Variants in TCTN1 observed in about 807,000 individuals in gnomAD.
The protein encoded by TCTN1 is tectonic family member 1.
A neutral mutation model predicts 65.8 loss-of-function variants in TCTN1; 58 were observed. The observed-to-expected ratio is 0.88, with a 90% confidence interval of 0.71 to 1.10. The LOEUF is 1.10. TCTN1 is among the 50% of genes least tolerant of loss of function. The pLI is 0.00. For synonymous variants in TCTN1, 273 were observed against 289.1 expected, an observed-to-expected ratio of 0.94 and a Z score of 0.57; for missense variants, 645 against 719.4, an observed-to-expected ratio of 0.90 and a Z score of 1.18.
At position 110,640,684 on chromosome 12, in the gene TCTN1, C is replaced by G. The variant is rs1281669953; in HGVS notation, c.978+167C>G. Among the ~76,000 whole-genome samples the G allele has an allele frequency of 1.3e-5, 2 of 152,220 alleles. No homozygotes were observed. Among genetic ancestry groups the G allele is most frequent in the Non-Finnish European group, 1.5e-5 (1 of 68,038 alleles). ...TCTGCTGTCTCATCAAAGGACACCT[C>G]TTGTCTCCACAAACTTAGTGACTTG... is the stretch of plus-strand genomic sequence containing the variant. On this transcript the variant is annotated intron_variant, in intron 8 of 14. Transcript: ENST00000397659. The surrounding 1 kb of genome is among the most constrained non-coding windows in gnomAD (Gnocchi z 4.9).
chr12:110,634,873 C>G, intron 6 of TCTN1, 94 bp downstream of exon 6: 1 of 907,990 alleles, frequency 1.1e-6, no homozygotes, highest in Non-Finnish European at 1.8e-6. Flanking sequence ...AATTTCAGTA[C>G]ATGATTGACA....
intron 3 of TCTN1, among the ~76,000 whole-genome samples, chr12:110,627,390 T>G (rs2065932039): frequency 1.3e-5 from 2 of 152,134 alleles, no homozygotes; most frequent in Admixed American, 1.3e-4. Flanking sequence ...AGCTGCCTTG[T>G]CCAGCCCTCA....
At position 110,628,930 on chromosome 12, in the gene TCTN1, CTTGA is replaced by C; in HGVS notation, c.624+19_624+22del. 6.2e-7 allele frequency: 1 copy of C among 1,613,122 alleles called. No individual in the cohort carries two copies. ...CTGCTAAATATGAGGTGAGCCTGAA[CTTGA>C]TTGATTCTTTTCATCCCATCACAAA... On this transcript the variant is annotated intron_variant, in intron 4 of 14. Transcript: ENST00000397659.
At position 110,641,532 on chromosome 12, in the gene TCTN1, T is replaced by G. The variant is rs779828104; in HGVS notation, c.1105-10T>G. The G allele has an allele frequency of 3.1e-6, 5 of 1,613,034 alleles. No homozygotes were observed. In the African/African-American group the frequency reaches 5.3e-5, roughly 17 times the overall value. On this transcript the variant is annotated splice_polypyrimidine_tract_variant and intron_variant, in intron 9 of 14. Coordinates refer to ENST00000397659, the MANE Select transcript of TCTN1 (RefSeq NM_001082538.3). ...GAATTATTTGGGGGCATTTCTGCAT[T>G]GTCTTTCAGGAAAATACCCAGCCAG...
intron 5 of TCTN1, among the ~76,000 whole-genome samples, chr12:110,633,859 G>A (rs1470451674): frequency 2.0e-5 from 3 of 152,190 alleles, no homozygotes; most frequent in Non-Finnish European, 1.5e-5. Flanking sequence ...GATTAGAAAT[G>A]AATGTGCTCT....
chr12:110,618,248 AT>A (rs1016622623), intron 1 of TCTN1, among the ~76,000 whole-genome samples: 8 of 138,384 alleles, frequency 5.8e-5, no homozygotes, highest in South Asian at 4.7e-4. Context: ...TAATTTTTGA[AT>A]TTTTTTTTTG....
chr12:110,631,547 T>C (rs1449675471), intron 4 of TCTN1, among the ~76,000 whole-genome samples: 2 of 152,002 alleles, frequency 1.3e-5, no homozygotes, highest in Admixed American at 6.5e-5. Context: ...GGCATGAGGA[T>C]CGCTTGAACC....
chr12:110,642,517 C>A (rs1236397577), intron 11 of TCTN1, 128 bp downstream of exon 11: 24 of 1,323,270 alleles, frequency 1.8e-5, no homozygotes, highest in Non-Finnish European at 2.5e-5. Context: ...TATAGTATAT[C>A]ATCATGCATG....
chr12:110,618,005 G>A (rs935965454), intron 1 of TCTN1, among the ~76,000 whole-genome samples: 2 of 151,538 alleles, frequency 1.3e-5, no homozygotes, highest in Non-Finnish European at 2.9e-5. Context: ...AAATAAGAAT[G>A]TTGGGTGGAC....
intron 4 of TCTN1, among the ~76,000 whole-genome samples, chr12:110,631,507 G>T (rs938011936): frequency 6.6e-6 from 1 of 152,006 alleles, no homozygotes; most frequent in Non-Finnish European, 1.5e-5. Context: ...GGTGGTGCGT[G>T]CCTGTAGTTC....
At chr12:110,618,126 G>A (rs1412165974) in intron 1 of TCTN1, among the ~76,000 whole-genome samples, 1 of 147,106 alleles carries the variant, frequency 6.8e-6, no homozygotes, top group East Asian at 2.0e-4. Context: ...AGGCTGGAGT[G>A]CAGTGGTGTG....
In TCTN1 at chr12:110,640,631, T is replaced by C. The variant is rs2066895778; in HGVS notation, c.978+114T>C. 3 of 1,486,694 alleles carry C rather than the reference T, an allele frequency of 2.0e-6. No individual in the cohort carries two copies. The East Asian group carries it at 6.8e-5, about 34-fold the overall frequency. The allele number at this position is 1,486,694 out of a possible 1,614,324, so 92.1% of individuals were successfully genotyped here. ...CTCTGTCCCAGCCCATGGTGTGGCT[T>C]TTCTTGGCTCAGCTGCCTGCTTGTC... is the stretch of plus-strand genomic sequence containing the variant. On this transcript the variant is annotated intron_variant, in intron 8 of 14. Transcript: ENST00000397659. This position sits in a 1 kb window ranked among gnomAD's most constrained non-coding sequence, Gnocchi z 4.9.
chr12:110,624,596 T>G (rs1326019839), intron 2 of TCTN1, among the ~76,000 whole-genome samples: 1 of 151,414 alleles, frequency 6.6e-6, no homozygotes, highest in African/African-American at 2.4e-5. Context: ...TTTTTTTTTT[T>G]TTTGGGAGAG....
intron 2 of TCTN1, among the ~76,000 whole-genome samples, chr12:110,623,731 A>G (rs1355496498): frequency 9.2e-5 from 14 of 151,400 alleles, no homozygotes; most frequent in Non-Finnish European, 1.5e-4. Flanking sequence ...TAGAACTATA[A>G]GCATCTGCCA....
chr12:110,636,128 C>A, intron 6 of TCTN1: 1 of 276,316 alleles, frequency 3.6e-6, no homozygotes, highest in Non-Finnish European at 7.1e-6. Context: ...AGGACAGGTG[C>A]AGTGAGAGTG....
intron 7 of TCTN1, among the ~76,000 whole-genome samples, chr12:110,638,204 A>C (rs1199124960): frequency 6.6e-6 from 1 of 151,956 alleles, no homozygotes; most frequent in African/African-American, 2.4e-5. Context: ...GGCCAGCTCT[A>C]CTCTGTGAGC....
chr12:110,618,193 C>A (rs952455682), intron 1 of TCTN1, among the ~76,000 whole-genome samples: 3 of 151,800 alleles, frequency 2.0e-5, no homozygotes, highest in Non-Finnish European at 2.9e-5. Flanking sequence ...CTGCCTCAGC[C>A]TCCCTGAGTA....
At chr12:110,624,089 A>ATT (rs1246476920) in intron 2 of TCTN1, among the ~76,000 whole-genome samples, 9 of 129,650 alleles carry the variant, frequency 6.9e-5, no homozygotes, top group Non-Finnish European at 5.0e-5. Context: ...CTATCTGTCT[A>ATT]TTTTTTTTTT....
Position 110,649,303 on chromosome 12 carries a change from A to G in TCTN1, c.*262A>G. 1.2e-6 allele frequency: 1 copy of G among 854,380 alleles called. No homozygotes were observed. The highest frequency in any genetic ancestry group is 2.0e-5 in the Admixed American group (1 of 49,320). The allele number at this position is 854,380 out of a possible 1,614,324, so 52.9% of individuals were successfully genotyped here. A position where few individuals can be genotyped will look rare whatever the true frequency, so the allele number is the denominator to read the frequency against. On this transcript the variant is annotated 3_prime_UTR_variant, in exon 15 of 15. Coordinates refer to ENST00000397659, the MANE Select transcript of TCTN1 (RefSeq NM_001082538.3). ...ATGCTGGCAGGAGGGAGGCAGAGGT[A>G]TCAAACCAAACCTCTCACCAAGCGG...
Sources: allele counts gnomAD v4.1 joint callset (sites outside exome capture counted in the v4.1 genomes callset), GRCh38; gene constraint gnomAD v4.1.1; non-coding constraint Gnocchi (gnomAD v3.1); transcripts MANE v1.5; gene names NCBI Gene and HGNC (gene_info 2026-07-23, HGNC 2026-07-21).